Variants in OTUD7A observed in about 807,000 individuals in gnomAD.
The protein encoded by OTUD7A is OTU deubiquitinase 7A.
Under a neutral mutation model 65.7 loss-of-function variants are expected in OTUD7A, and 12 were observed. That is an observed-to-expected ratio of 0.18 (90% CI 0.12 to 0.30). OTUD7A has a LOEUF of 0.30. Among genes scored for constraint, OTUD7A ranks in the 10% least tolerant of loss-of-function variants. OTUD7A has a pLI of 1.00. For missense variants in OTUD7A, 1,148 were observed against 1,304.8 expected, an observed-to-expected ratio of 0.88 and a Z score of 1.85; for synonymous variants, 641 against 586.3, an observed-to-expected ratio of 1.09 and a Z score of -1.35.
intron 1 of OTUD7A, among the ~76,000 whole-genome samples, chr15:31,770,201 C>A (rs1895196965): frequency 6.6e-6 from 1 of 151,938 alleles, no homozygotes; most frequent in Admixed American, 6.6e-5. Context: ...CAAGAGAGTA[C>A]AGAAATCACA....
chr15:31,599,541 C>T (rs940236724), intron 3 of OTUD7A, among the ~76,000 whole-genome samples: 7 of 152,114 alleles, frequency 4.6e-5, no homozygotes, highest in Non-Finnish European at 7.4e-5. Flanking sequence ...GAGAAACCAG[C>T]GCAAAAAGGC....
chr15:31,829,198 C>T (rs1486535242), intron 1 of OTUD7A, among the ~76,000 whole-genome samples: 1 of 152,220 alleles, frequency 6.6e-6, no homozygotes, highest in African/African-American at 2.4e-5. Flanking sequence ...CCTCCCTCTC[C>T]TTGGAGGACA....
chr15:31,703,040 A>AG (rs1893249454), intron 1 of OTUD7A, among the ~76,000 whole-genome samples: 1 of 152,098 alleles, frequency 6.6e-6, no homozygotes, highest in African/African-American at 2.4e-5. Context: ...AAAACAAGAA[A>AG]AAAAGAAAGA....
intron 1 of OTUD7A, among the ~76,000 whole-genome samples, chr15:31,812,299 G>A (rs911064666): frequency 1.3e-5 from 2 of 152,144 alleles, no homozygotes; most frequent in South Asian, 2.1e-4. Context: ...CCACACAGAC[G>A]TGCAGGAATC....
chr15:31,736,039 A>G (rs1010253084), intron 1 of OTUD7A, among the ~76,000 whole-genome samples: 2 of 152,198 alleles, frequency 1.3e-5, no homozygotes, highest in African/African-American at 4.8e-5. Context: ...AGAGGGGAAC[A>G]ACACACACTG....
intron 5 of OTUD7A, among the ~76,000 whole-genome samples, chr15:31,545,688 C>A (rs1397005054): frequency 6.6e-5 from 10 of 151,968 alleles, no homozygotes; most frequent in African/African-American, 2.4e-4. Flanking sequence ...AAATTAAAAC[C>A]ACTGTGTGGA....
chr15:31,796,307 C>T (rs1895960333), intron 1 of OTUD7A, among the ~76,000 whole-genome samples: 1 of 151,994 alleles, frequency 6.6e-6, no homozygotes. Flanking sequence ...ATTAGCACAT[C>T]CAAAATCTGC....
intron 1 of OTUD7A, among the ~76,000 whole-genome samples, chr15:31,750,658 C>T (rs1894608606): frequency 6.6e-6 from 1 of 152,082 alleles, no homozygotes; most frequent in Non-Finnish European, 1.5e-5. Flanking sequence ...CAAAAGTGGA[C>T]ACATAGATCA....
chr15:31,647,817 G>C (rs1184052549), intron 3 of OTUD7A, among the ~76,000 whole-genome samples: 1 of 151,982 alleles, frequency 6.6e-6, no homozygotes, highest in Non-Finnish European at 1.5e-5. Context: ...TATGGTCCTT[G>C]CTGTCGGGGA....
intron 5 of OTUD7A, among the ~76,000 whole-genome samples, chr15:31,536,582 CAT>C (rs747307772): frequency 6.6e-6 from 1 of 152,188 alleles, no homozygotes; most frequent in Non-Finnish European, 1.5e-5. Context: ...AGAAGCAGAA[CAT>C]GTTTTACATT....
At chr15:31,711,878 T>C (rs1440468808) in intron 1 of OTUD7A, among the ~76,000 whole-genome samples, 2 of 152,022 alleles carry the variant, frequency 1.3e-5, no homozygotes, top group South Asian at 2.1e-4. Flanking sequence ...CATGGCCACT[T>C]ACCAGGACAA....
At chr15:31,749,828 G>A (rs972986900) in intron 1 of OTUD7A, among the ~76,000 whole-genome samples, 3 of 151,952 alleles carry the variant, frequency 2.0e-5, no homozygotes, top group Non-Finnish European at 4.4e-5. Context: ...AAGATGCCAT[G>A]AAAAGGGCAC....
At chr15:31,640,892 T>G (rs1283096176) in intron 3 of OTUD7A, among the ~76,000 whole-genome samples, 3 of 152,160 alleles carry the variant, frequency 2.0e-5, no homozygotes, top group Admixed American at 6.5e-5. Context: ...AATTTTCTAG[T>G]ACACTATGCA....
At chr15:31,661,050 C>T (rs946930863) in intron 1 of OTUD7A, among the ~76,000 whole-genome samples, 4 of 152,194 alleles carry the variant, frequency 2.6e-5, no homozygotes, top group East Asian at 1.9e-4. Context: ...CATGACTGGG[C>T]CTTGTGCCAG....
chr15:31,600,793 A>C (rs1158363804), intron 3 of OTUD7A, among the ~76,000 whole-genome samples: 1 of 152,216 alleles, frequency 6.6e-6, no homozygotes, highest in Admixed American at 6.5e-5. Context: ...AAGCAAAAAA[A>C]AGCAGGGGTT....
At chr15:31,585,502 C>T (rs963734460) in intron 3 of OTUD7A, among the ~76,000 whole-genome samples, 13 of 152,334 alleles carry the variant, frequency 8.5e-5, no homozygotes, top group African/African-American at 2.4e-4. Flanking sequence ...TGAGCTGCTT[C>T]GGTGCTCTGG....
chr15:31,481,256 A>C lies in OTUD7A; in HGVS notation c.*2038T>G, dbSNP rs1404192824. 6.6e-6 allele frequency: 1 copy of C among 152,152 alleles called. No individual in the cohort carries two copies. Among genetic ancestry groups the C allele is most frequent in the East Asian group, 1.9e-4 (1 of 5,200 alleles). The allele number at this position is 152,152 out of a possible 1,614,324, so 9.4% of individuals were successfully genotyped here. On this transcript the variant is annotated 3_prime_UTR_variant, in exon 13 of 13. Coordinates refer to ENST00000307050, the MANE Select transcript of OTUD7A (RefSeq NM_001382637.1). ...GTTTGGTTTCTGAATGGATTATTGG[A>C]GCATTTTTAAGGTTGGGTGTCTCAA...
chr15:31,484,781 C>T lies in OTUD7A; in HGVS notation c.1372-57G>A. 6.4e-7 allele frequency: 1 copy of T among 1,552,178 alleles called. No individual in the cohort carries two copies. The highest frequency in any genetic ancestry group is 8.7e-7 in the Non-Finnish European group (1 of 1,154,206). On this transcript the variant is annotated intron_variant, in intron 12 of 12. Coordinates refer to ENST00000307050, the MANE Select transcript of OTUD7A (RefSeq NM_001382637.1). This position sits in a 1 kb window ranked among gnomAD's most constrained non-coding sequence, Gnocchi z 4.5. Reference sequence around the variant, plus strand: ...GGTTAGAGAAGAGCTGTCCACGCGCCAGCGAGGAAGACACACCTTGCCCCT... The same window carrying T: ...GGTTAGAGAAGAGCTGTCCACGCGCTAGCGAGGAAGACACACCTTGCCCCT...
rs141417459 is a variant in OTUD7A, at chr15:31,837,890, T to A, written c.-100+32617A>T. 3.3e-5 allele frequency among the ~76,000 whole-genome samples: 5 copies of A among 152,332 alleles called. No homozygotes were observed. In the East Asian group the frequency reaches 9.6e-4, roughly 29 times the overall value. ...CTGATTTTAAGGCTTATTAAGTAACTATAGTAATCAAGACAGTGTAGTATT... is the reference window on the plus strand; with the variant it reads ...CTGATTTTAAGGCTTATTAAGTAACAATAGTAATCAAGACAGTGTAGTATT... On this transcript the variant is annotated intron_variant, in intron 1 of 12. Transcript: ENST00000307050.
Sources: gnomAD v4.1 joint callset for allele counts (sites outside exome capture counted in the v4.1 genomes callset) on GRCh38, gnomAD v4.1.1 for gene constraint, Gnocchi (gnomAD v3.1) non-coding constraint, MANE v1.5 for transcripts, NCBI Gene and HGNC (gene_info 2026-07-23, HGNC 2026-07-21) for gene names.